Variants in SCP2 observed in about 807,000 individuals in gnomAD.
SCP2 encodes SCP-2/3-oxoacyl-CoA thiolase.
A neutral mutation model predicts 71.4 loss-of-function variants in SCP2; 48 were observed. The observed-to-expected ratio is 0.67, with a 90% CI of 0.53 to 0.86. SCP2 has a LOEUF of 0.86. Among genes scored for constraint, SCP2 ranks in the 40% least tolerant of loss-of-function variants. The probability of loss-of-function intolerance (pLI) is 0.00; values close to 1 mark genes in which losing one functional copy is unlikely to be tolerated. For synonymous variants in SCP2, 220 were observed against 218.1 expected, an observed-to-expected ratio of 1.01 and a Z score of -0.08; for missense variants, 560 against 655.6, an observed-to-expected ratio of 0.85 and a Z score of 1.59.
intron 11 of SCP2, among the ~76,000 whole-genome samples, chr1:53,012,184 C>T (rs1291437918): frequency 6.6e-6 from 1 of 152,160 alleles, no homozygotes; most frequent in African/African-American, 2.4e-5. Flanking sequence ...CATAAGACCC[C>T]CATTCCAGAA....
chr1:53,004,583 G>A (rs1660508404), intron 11 of SCP2, among the ~76,000 whole-genome samples: 1 of 152,154 alleles, frequency 6.6e-6, no homozygotes, highest in Non-Finnish European at 1.5e-5. Context: ...CCCCACCCTT[G>A]CGATAATGTA....
chr1:52,927,454 G>A lies in SCP2; in HGVS notation c.58G>A (p.Gly20Ser). 1 of 1,600,814 alleles carries A rather than the reference G, an allele frequency of 6.2e-7. No individual in the cohort carries two copies. Among genetic ancestry groups the A allele is most frequent in the East Asian group, 2.3e-5 (1 of 44,440 alleles). Residue 20 changes from glycine to serine, a missense_variant, in exon 1 of 16, where the codon GGC becomes AGC. By Grantham distance (56) the Gly-to-Ser change is moderately conservative. Around this residue, in one of 3 missense-constraint regions of SCP2, gnomAD observed 513 missense variants for 573.1 expected, o/e 0.90. Coordinates refer to ENST00000371514, the MANE Select transcript of SCP2 (RefSeq NM_002979.5). The stretch of plus-strand genomic sequence containing the variant: ...GCGCCGGGTGTTCGTGGTGGGGGTT[G>A]GCATGACCAAGGTAAACCGAGCAGC... The part of the protein sequence containing the change: ...TLRRVFVVGV[G>S]MTKFVKPGAE...
intron 6 of SCP2, among the ~76,000 whole-genome samples, chr1:52,973,654 A>G (rs183348178): frequency 3.6e-4 from 55 of 152,236 alleles, no homozygotes; most frequent in Non-Finnish European, 7.6e-4. Flanking sequence ...GCTCACTGCA[A>G]TCTCCGTCTT....
chr1:52,960,434 G>C (rs1248453823), intron 5 of SCP2, among the ~76,000 whole-genome samples: 2 of 151,358 alleles, frequency 1.3e-5, no homozygotes, highest in African/African-American at 4.9e-5. Context: ...GCCTGCCAAA[G>C]TGTTGGGATT....
In SCP2 at chr1:52,949,616, C is replaced by T. The variant is rs1219421303; in HGVS notation, c.200-1139C>T. Reference sequence around the variant, plus strand: ...TGTATTTGTCCTGATTGGCTAGCAACTTAGAACTTTTTAAAAGAGGCAAAG... The same window carrying T: ...TGTATTTGTCCTGATTGGCTAGCAATTTAGAACTTTTTAAAAGAGGCAAAG... On this transcript the variant is annotated intron_variant, in intron 3 of 15. Coordinates refer to ENST00000371514, the MANE Select transcript of SCP2 (RefSeq NM_002979.5). 2.6e-5 allele frequency among the ~76,000 whole-genome samples: 4 copies of T among 152,030 alleles called. No individual in the cohort carries two copies. The East Asian group carries it at 7.7e-4, about 29-fold the overall frequency.
At chr1:52,933,450 A>C (rs1269961251) in intron 1 of SCP2, among the ~76,000 whole-genome samples, 2 of 152,054 alleles carry the variant, frequency 1.3e-5, no homozygotes, top group Admixed American at 1.3e-4. Context: ...AAGAAAAAAA[A>C]CCCCATCAGG....
chr1:53,007,956 G>A (rs536684431), intron 11 of SCP2, among the ~76,000 whole-genome samples: 4 of 152,030 alleles, frequency 2.6e-5, no homozygotes, highest in South Asian at 2.1e-4. Context: ...TATCACCACC[G>A]ATACCACAGA....
chr1:52,972,944 G>T (rs1572115397), intron 6 of SCP2, among the ~76,000 whole-genome samples: 1 of 152,224 alleles, frequency 6.6e-6, no homozygotes, highest in East Asian at 1.9e-4. Flanking sequence ...GCTCATTTTT[G>T]CAGGTTGTTG....
intron 11 of SCP2, among the ~76,000 whole-genome samples, chr1:52,997,247 C>T (rs984876146): frequency 1.3e-5 from 2 of 152,156 alleles, no homozygotes; most frequent in African/African-American, 4.8e-5. Context: ...TGGCTCATTG[C>T]AACTTCTGCC....
chr1:53,024,223 G>A lies in SCP2; in HGVS notation c.1236-3746G>A, dbSNP rs181384078. On this transcript the variant is annotated intron_variant, in intron 12 of 15. Coordinates refer to ENST00000371514, the MANE Select transcript of SCP2 (RefSeq NM_002979.5). ...GACAAATACTATATGATTCCACTTA[G>A]AATCATAGTACCTAGAGGTACCTAG... Among the ~76,000 whole-genome samples, 370 of 152,234 alleles carry A rather than the reference G, an allele frequency of 2.4e-3. 1 individual carries two copies. The highest frequency in any genetic ancestry group is 8.7e-3 in the African/African-American group (361 of 41,526).
In SCP2 at chr1:52,959,821, C is replaced by A. The variant is rs547810032; in HGVS notation, c.397-1682C>A. Among the ~76,000 whole-genome samples the A allele has an allele frequency of 7.3e-5, 11 of 151,480 alleles. No individual in the cohort carries two copies. In the East Asian group the frequency reaches 2.1e-3, roughly 29 times the overall value. On this transcript the variant is annotated intron_variant, in intron 5 of 15. Transcript: ENST00000371514. ...ATCTTCTCTCTTTTTCCATGGTCAT[C>A]TTTTGTCAGGGTGATCATGGAAAAA...
chr1:53,021,780 G>T (rs1661763369), intron 12 of SCP2, among the ~76,000 whole-genome samples: 1 of 151,620 alleles, frequency 6.6e-6, no homozygotes, highest in Non-Finnish European at 1.5e-5. Context: ...GAGTAGCTGG[G>T]ACTACAGTCA....
chr1:52,999,822 T>G (rs1438896189), intron 11 of SCP2, among the ~76,000 whole-genome samples: 4 of 148,472 alleles, frequency 2.7e-5, no homozygotes, highest in African/African-American at 5.0e-5. Context: ...CTTGTTTTTT[T>G]TTTTTTTTTT....
intron 13 of SCP2, among the ~76,000 whole-genome samples, chr1:53,032,531 T>C (rs1209915841): frequency 6.6e-6 from 1 of 152,162 alleles, no homozygotes; most frequent in Non-Finnish European, 1.5e-5. Context: ...AGTAAGGGCA[T>C]GGAGGCATAC....
At chr1:53,045,467 A>G (rs6588460) in intron 14 of SCP2, among the ~76,000 whole-genome samples, 31,907 of 151,922 alleles carry the variant, frequency 0.21, 5,847 homozygotes, top group African/African-American at 0.49. Flanking sequence ...CATTGTTTCA[A>G]TCTGGGAGCC....
intron 4 of SCP2, 65 bp from the exon 5 acceptor site, chr1:52,954,675 A>AT: frequency 8.0e-7 from 1 of 1,249,668 alleles, no homozygotes; most frequent in African/African-American, 1.5e-5. Flanking sequence ...GAATTGAAGT[A>AT]TTTAATGGTA....
intron 5 of SCP2, among the ~76,000 whole-genome samples, chr1:52,957,217 TGGCCCCTGGCCCCTTCTG>T (rs1447074297): frequency 1.3e-5 from 2 of 152,062 alleles, no homozygotes; most frequent in South Asian, 2.1e-4. Flanking sequence ...CCCTGGCCCC[TGGCCCCTGGCCCCTTCTG>T]TCTATTTAAT....
chr1:52,927,973 G>A (rs1385492128), intron 1 of SCP2, among the ~76,000 whole-genome samples: 1 of 152,340 alleles, frequency 6.6e-6, no homozygotes, highest in East Asian at 1.9e-4. Flanking sequence ...TCCCACGGCC[G>A]TTTTCCCCTC....
chr1:52,967,139 G>A lies in SCP2; in HGVS notation c.523+5510G>A, dbSNP rs572412710. On this transcript the variant is annotated intron_variant, in intron 6 of 15. Transcript: ENST00000371514. ...TGGGAGGTGGAGGTTGCAGTGAGCC[G>A]AGATTGTGCCACTGCACTCCACCCT... is the stretch of plus-strand genomic sequence containing the variant. Among the ~76,000 whole-genome samples, 191 of 152,156 alleles carry A rather than the reference G, an allele frequency of 1.3e-3. 1 individual carries two copies. The highest frequency in any genetic ancestry group is 4.0e-3 in the African/African-American group (167 of 41,538).
Sources: gnomAD v4.1 joint callset for allele counts (sites outside exome capture counted in the v4.1 genomes callset) on GRCh38, gnomAD v4.1.1 for gene constraint, gnomAD v4.1.1 regional missense constraint, MANE v1.5 for transcripts, NCBI Gene and HGNC (gene_info 2026-07-23, HGNC 2026-07-21) for gene names.